CDHR2: variants seen among roughly 807,000 people sequenced by gnomAD.
CDHR2 encodes cadherin related family member 2.
Under a neutral mutation model 138.6 loss-of-function variants are expected in CDHR2, and 104 were observed. The observed-to-expected ratio is 0.75, with a 90% confidence interval of 0.64 to 0.88. The LOEUF (loss-of-function observed/expected upper bound fraction) is 0.88. CDHR2 is among the 40% of genes least tolerant of loss of function. The pLI, the probability that CDHR2 is intolerant of heterozygous loss-of-function variation, is 0.00. For missense variants in CDHR2, 1,624 were observed against 1,727.6 expected, an observed-to-expected ratio of 0.94 and a Z score of 1.06; for synonymous variants, 755 against 742.8, an observed-to-expected ratio of 1.02 and a Z score of -0.27.
chr5:176,558,218 T>A (rs13184021), intron 1 of CDHR2, among the ~76,000 whole-genome samples: 847 of 83,568 alleles, frequency 0.01, 9 homozygotes, highest in African/African-American at 0.027. Flanking sequence ...TTTCTTATTT[T>A]TTTTTTTTTT....
In CDHR2 at chr5:176,558,223, T is replaced by A. The variant is rs1271489763; in HGVS notation, c.-15-7115T>A. Among the ~76,000 whole-genome samples the A allele has an allele frequency of 8.1e-4, 121 of 149,142 alleles. 2 individuals carry two copies. Among genetic ancestry groups the A allele is most frequent in the African/African-American group, 2.2e-3 (90 of 40,664 alleles). ...TTAGTTTTCTTTTCTTATTTTTTTT[T>A]TTTTTTTTTTGAGACGGAGTCTCAC... is the stretch of plus-strand genomic sequence containing the variant. On this transcript the variant is annotated intron_variant, in intron 1 of 31. Transcript: ENST00000261944.
At chr5:176,581,768 G>T (rs1021326334) in intron 17 of CDHR2, among the ~76,000 whole-genome samples, 186 bp downstream of exon 17, 1 of 152,182 alleles carries the variant, frequency 6.6e-6, no homozygotes, top group Non-Finnish European at 1.5e-5. Flanking sequence ...TAAAACGGGG[G>T]TGAAAAAGGT....
intron 16 of CDHR2, 55 bp from the exon 17 acceptor site, chr5:176,581,288 G>A (rs976141003): frequency 5.0e-6 from 8 of 1,600,926 alleles, no homozygotes; most frequent in African/African-American, 1.3e-5. Flanking sequence ...GCATCGGAGG[G>A]GCTGGGGGCT....
In CDHR2 at chr5:176,583,574, A is replaced by AATAGTTGCAGGGCTCCAGCTGTGCCC. The variant is rs1318744399; in HGVS notation, c.2059-614_2059-589dup. 4.4e-3 allele frequency among the ~76,000 whole-genome samples: 668 copies of AATAGTTGCAGGGCTCCAGCTGTGCCC among 152,322 alleles called. 8 individuals carry two copies. The highest frequency in any genetic ancestry group is 0.015 in the African/African-American group (619 of 41,548). ...GGCAGAGTCACCTCCAGGCTGTGAC[A>AATAGTTGCAGGGCTCCAGCTGTGCCC]ATAGTTGCAGGGCTCCAGCTGTGCC... On this transcript the variant is annotated intron_variant, in intron 17 of 31. Transcript: ENST00000261944.
At position 176,589,554 on chromosome 5, in the gene CDHR2, C is replaced by T. The variant is rs369933691; in HGVS notation, c.3144C>T (p.Arg1048=). Residue 1048 remains arginine, a synonymous_variant, in exon 24 of 32, where the codon CGC becomes CGT. Transcript: ENST00000261944. The part of the protein sequence containing the change: ...LNLFTVDQSY[R]SRLQFSTPKE... ...TCTTCACCGTGGACCAGAGTTACCG[C>T]TCGCGGCTGCAGTTCTCCACACCGA... 1.1e-5 allele frequency: 17 copies of T among 1,614,000 alleles called. No homozygotes were observed. The highest frequency in any genetic ancestry group is 1.4e-5 in the Non-Finnish European group (16 of 1,180,024).
rs1451013246 is a variant in CDHR2, at chr5:176,574,155, G to A, written c.478G>A (p.Val160Met). The A allele has an allele frequency of 1.2e-5, 19 of 1,613,382 alleles. No individual in the cohort carries two copies. The East Asian group carries it at 2.0e-4, about 17-fold the overall frequency. ...AGACATGGGGTCTGCAGGCATGGTC[G>A]TGTACTCCATAGAGAAGGTGAGTGT... ...DKDMGSAGMV[V>M]YSIEKVIPST... is the part of the protein sequence containing the mutation. Residue 160 changes from valine to methionine, a missense_variant, in exon 7 of 32, where the codon GTG becomes ATG. Coordinates refer to ENST00000261944, the MANE Select transcript of CDHR2 (RefSeq NM_017675.6).
chr5:176,552,642 G>T (rs1178186096), intron 1 of CDHR2, among the ~76,000 whole-genome samples: 1 of 152,234 alleles, frequency 6.6e-6, no homozygotes, highest in South Asian at 2.1e-4. Flanking sequence ...TTTTCCCCAA[G>T]TGACTGAATC....
In CDHR2 at chr5:176,595,788, A is replaced by G. The variant is rs943789741; in HGVS notation, c.*116A>G. 4.9e-6 allele frequency: 5 copies of G among 1,013,882 alleles called. No individual in the cohort carries two copies. The Admixed American group carries it at 1.1e-4, about 23-fold the overall frequency. 62.8% of individuals were successfully genotyped at this position (1,013,882 alleles called of 1,614,324 possible). On this transcript the variant is annotated 3_prime_UTR_variant, in exon 32 of 32. Transcript: ENST00000261944. ...CCCTGCCTCCTGCTTTTGGCCAATC[A>G]CGGCAGACAGGGGTTGGGGAAATAT...
At chr5:176,560,398 A>G (rs1219478302) in intron 1 of CDHR2, among the ~76,000 whole-genome samples, 1 of 151,876 alleles carries the variant, frequency 6.6e-6, no homozygotes, top group Non-Finnish European at 1.5e-5. Context: ...CTCTGTCTCA[A>G]TAAATAAATT....
chr5:176,550,713 C>T (rs972130380), intron 1 of CDHR2, among the ~76,000 whole-genome samples: 4 of 152,338 alleles, frequency 2.6e-5, no homozygotes, highest in East Asian at 3.9e-4. Flanking sequence ...TCTGTAGCAT[C>T]GTGGCTGAGT....
At chr5:176,547,923 A>C (rs1238514961), upstream of CDHR2, among the ~76,000 whole-genome samples, 1 of 152,108 alleles carries the variant, frequency 6.6e-6, no homozygotes, top group African/African-American at 2.4e-5. Flanking sequence ...AGTCAACACA[A>C]CCCTTAACAA....
rs762267823 is a variant in CDHR2, at chr5:176,565,698, C to A, written c.79C>A (p.Leu27Ile). 1 of 1,614,016 alleles carries A rather than the reference C, an allele frequency of 6.2e-7. No homozygotes were observed. The highest frequency in any genetic ancestry group is 1.1e-5 in the South Asian group (1 of 91,066). Residue 27 changes from leucine (L) to isoleucine (I), a missense_variant, in exon 3 of 32, where the codon CTA (leucine) becomes ATA (isoleucine). Physicochemically the swap from Leu to Ile is conservative, Grantham distance 5. Coordinates refer to ENST00000261944, the MANE Select transcript of CDHR2 (RefSeq NM_017675.6). ...GGCAGCCAACGTGGCCCCGAAGTTC[C>A]TAGCCAACATGACGTCAGTGATCCT... is the stretch of plus-strand genomic sequence containing the variant. ...SVAANVAPKFLANMTSVILPE... is the reference protein window; with the variant it reads ...SVAANVAPKFIANMTSVILPE...
At chr5:176,588,031 T>G (rs1191640681) in intron 21 of CDHR2, among the ~76,000 whole-genome samples, 1 of 152,218 alleles carries the variant, frequency 6.6e-6, no homozygotes, top group African/African-American at 2.4e-5. Context: ...CTCGAAGCTC[T>G]GTGTGCTGGT....
At chr5:176,588,534 AG>A (rs1176730721) in intron 21 of CDHR2, among the ~76,000 whole-genome samples, 2 of 128,810 alleles carry the variant, frequency 1.6e-5, no homozygotes, top group South Asian at 2.5e-4. Flanking sequence ...TGAGTGTGTT[AG>A]GGTGAGTGAG....
At chr5:176,580,503 T>C (rs1012606243) in intron 16 of CDHR2, among the ~76,000 whole-genome samples, 1 of 130,464 alleles carries the variant, frequency 7.7e-6, no homozygotes, top group African/African-American at 3.0e-5. Context: ...CACTCCACTC[T>C]GGGCAACAGA....
chr5:176,571,560 G>A (rs1257245705), intron 6 of CDHR2, among the ~76,000 whole-genome samples: 4 of 151,366 alleles, frequency 2.6e-5, no homozygotes, highest in East Asian at 3.9e-4. Context: ...TTGTGTAGAC[G>A]GAGTCTCACT....
chr5:176,551,701 CTTTTTT>C (rs34996600), intron 1 of CDHR2, among the ~76,000 whole-genome samples: 8 of 114,284 alleles, frequency 7.0e-5, no homozygotes, highest in Non-Finnish European at 1.2e-4. Flanking sequence ...CAAGAGTTCT[CTTTTTT>C]TTTTTTTTTT....
Position 176,584,433 on chromosome 5 carries a change from G to T in CDHR2, c.2152G>T (p.Ala718Ser). 1.2e-6 allele frequency: 2 copies of T among 1,600,470 alleles called. No homozygotes were observed. The highest frequency in any genetic ancestry group is 1.7e-6 in the Non-Finnish European group (2 of 1,171,870). ...AGGAGTGCTAGTGGGCGTGGTGAAGGCCTGGGACGCGGACCAGACGGAAGC... is the reference window on the plus strand; with the variant it reads ...AGGAGTGCTAGTGGGCGTGGTGAAGTCCTGGGACGCGGACCAGACGGAAGC... ...DPGVLVGVVK[A>S]WDADQTEANN... is the part of the protein sequence containing the mutation. Residue 718 changes from alanine (A) to serine (S), a missense_variant, in exon 19 of 32, where the codon GCC becomes TCC. Physicochemically the swap from Ala to Ser is moderately conservative, Grantham distance 99 (BLOSUM62 1). This residue lies in a region of CDHR2 where 1,061 missense variants were observed against 1,136.6 expected (regional missense o/e 0.93). Transcript: ENST00000261944.
rs746353044 is a variant in CDHR2, at chr5:176,589,604, A to G, written c.3194A>G (p.Gln1065Arg). Reference protein sequence around the residue: ...TPKEEVGANRQAINAALTQAT... With the variant: ...TPKEEVGANRRAINAALTQAT... ...AAGGAGGAGGTGGGCGCCAACAGACAGGCGATTAATGCGTAGGTCTGGGGA... is the reference window on the plus strand; with the variant it reads ...AAGGAGGAGGTGGGCGCCAACAGACGGGCGATTAATGCGTAGGTCTGGGGA... Residue 1065 changes from glutamine (Q) to arginine (R), a missense_variant, in exon 24 of 32, where the codon CAG becomes CGG. Gln to Arg is a conservative substitution (Grantham distance 43). Coordinates refer to ENST00000261944, the MANE Select transcript of CDHR2 (RefSeq NM_017675.6). 1.5e-5 allele frequency: 24 copies of G among 1,613,808 alleles called. 1 individual carries two copies. Among genetic ancestry groups the G allele is most frequent in the Non-Finnish European group, 1.8e-5 (21 of 1,179,976 alleles).
Sources: gnomAD v4.1 joint callset for allele counts (sites outside exome capture counted in the v4.1 genomes callset) on GRCh38, gnomAD v4.1.1 for gene constraint, gnomAD v4.1.1 regional missense constraint, MANE v1.5 for transcripts, NCBI Gene and HGNC (gene_info 2026-07-23, HGNC 2026-07-21) for gene names.